Variants in GPR161 observed in about 807,000 individuals in gnomAD.
The protein encoded by GPR161 is G-protein coupled receptor RE2.
A neutral mutation model predicts 39.2 loss-of-function variants in GPR161; 25 were observed. The observed-to-expected ratio is 0.64, with a 90% CI of 0.47 to 0.89. The LOEUF is 0.89. GPR161 is among the 40% of genes least tolerant of loss of function. The probability of loss-of-function intolerance (pLI) is 0.00; values close to 1 mark genes in which losing one functional copy is unlikely to be tolerated. For synonymous variants in GPR161, 286 were observed against 276.6 expected, an observed-to-expected ratio of 1.03 and a Z score of -0.34; for missense variants, 547 against 677.8, an observed-to-expected ratio of 0.81 and a Z score of 2.14.
At chr1:168,100,397 T>C (rs1695984547) in intron 2 of GPR161, among the ~76,000 whole-genome samples, 1 of 152,114 alleles carries the variant, frequency 6.6e-6, no homozygotes, top group African/African-American at 2.4e-5. Context: ...GGGCTAATAA[T>C]ACAGGCCAAA....
At chr1:168,107,934 A>C (rs1239048906) in intron 1 of GPR161, among the ~76,000 whole-genome samples, 1 of 152,230 alleles carries the variant, frequency 6.6e-6, no homozygotes, top group African/African-American at 2.4e-5. Flanking sequence ...CAAAGGTAAA[A>C]ATACTAAGTG....
upstream of GPR161, chr1:168,136,948 G>GGGCCCCCCCCC: frequency 1.1e-6 from 1 of 910,994 alleles, no homozygotes; most frequent in African/African-American, 2.3e-5. Flanking sequence ...CGGCGCCCGC[G>GGGCCCCCCCCC]CCCCGCCCCG....
chr1:168,136,425 G>A lies in GPR161; in HGVS notation c.-45+314C>T, dbSNP rs2102280156. Reference sequence around the variant, plus strand: ...GCGGACTGTTTAGGGGCTTCGGGCGGCGCCGGAGAAACGGGGCGGGCTGCA... The same window carrying A: ...GCGGACTGTTTAGGGGCTTCGGGCGACGCCGGAGAAACGGGGCGGGCTGCA... On this transcript the variant is annotated intron_variant, in intron 1 of 5. Coordinates refer to ENST00000682931, the MANE Select transcript of GPR161 (RefSeq NM_001375883.1). 3.0e-6 allele frequency: 4 copies of A among 1,352,310 alleles called. No individual in the cohort carries two copies. In the South Asian group the frequency reaches 5.3e-5, roughly 18 times the overall value. The allele number at this position is 1,352,310 out of a possible 1,614,324, so 83.8% of individuals were successfully genotyped here. A position where few individuals can be genotyped will look rare whatever the true frequency, so the allele number is the denominator to read the frequency against.
chr1:168,128,230 T>C (rs1010631870), intron 1 of GPR161, among the ~76,000 whole-genome samples: 1 of 152,110 alleles, frequency 6.6e-6, no homozygotes, highest in African/African-American at 2.4e-5. Flanking sequence ...GGGGAGGGTC[T>C]GAAAATATCC....
chr1:168,096,051 T>G (rs765729424), intron 3 of GPR161, among the ~76,000 whole-genome samples: 16 of 145,974 alleles, frequency 1.1e-4, no homozygotes, highest in Non-Finnish European at 1.9e-4. Context: ...CGAGGATCAC[T>G]TGAATCAGGG....
chr1:168,097,142 C>G lies in GPR161; in HGVS notation c.465G>C (p.Ser155=). The G allele has an allele frequency of 6.2e-7, 1 of 1,614,066 alleles. No individual in the cohort carries two copies. The highest frequency in any genetic ancestry group is 1.3e-5 in the African/African-American group (1 of 74,988). Residue 155 remains serine (S), a synonymous_variant, in exon 3 of 6, where the codon TCG becomes TCC. Transcript: ENST00000682931. ...ACAGGGGTGGCAGGCAGCCGATGAG[C>G]GAGTGAAGCCAGATGTAGACAAGTG... is the stretch of plus-strand genomic sequence containing the variant. ...VMALVYIWLH[S]LIGCLPPLFG...
Position 168,085,440 on chromosome 1 carries a change from G to A in GPR161, c.*91C>T. The A allele has an allele frequency of 8.1e-7, 1 of 1,228,944 alleles. No individual in the cohort carries two copies. The highest frequency in any genetic ancestry group is 1.2e-6 in the Non-Finnish European group (1 of 862,350). The allele number at this position is 1,228,944 out of a possible 1,614,324, so 76.1% of individuals were successfully genotyped here. ...CTGTGTGTGGCCAGCTGTACACAGT[G>A]ACATGCTCCCAAGGCCGCGGCACAG... On this transcript the variant is annotated 3_prime_UTR_variant, in exon 6 of 6. Coordinates refer to ENST00000682931, the MANE Select transcript of GPR161 (RefSeq NM_001375883.1).
intron 1 of GPR161, 34 bp downstream of exon 1, chr1:168,136,705 G>A (rs1572408047): frequency 1.9e-6 from 2 of 1,057,866 alleles, no homozygotes; most frequent in Non-Finnish European, 2.3e-6. Flanking sequence ...CTCTCCGCCC[G>A]GGCCCGCGCC....
chr1:168,137,091 C>G, upstream of GPR161: 1 of 1,073,612 alleles, frequency 9.3e-7, no homozygotes. Context: ...GTCCGTCCGC[C>G]CGCCCTCCCG....
intron 3 of GPR161, among the ~76,000 whole-genome samples, chr1:168,094,682 T>C (rs1695360413): frequency 6.6e-6 from 1 of 152,200 alleles, no homozygotes; most frequent in Non-Finnish European, 1.5e-5. Flanking sequence ...TAGAGTGGTT[T>C]GAAGAGTTGC....
At chr1:168,130,165 C>T (rs1435887889) in intron 1 of GPR161, among the ~76,000 whole-genome samples, 1 of 152,234 alleles carries the variant, frequency 6.6e-6, no homozygotes, top group East Asian at 1.9e-4. Context: ...CCTTTCTCAT[C>T]TACAGAGGAA....
intron 1 of GPR161, among the ~76,000 whole-genome samples, chr1:168,113,985 A>G (rs1697425670): frequency 6.6e-6 from 1 of 152,222 alleles, no homozygotes; most frequent in African/African-American, 2.4e-5. Context: ...ACATTAAAAA[A>G]CAAAAATAAA....
intron 1 of GPR161, among the ~76,000 whole-genome samples, chr1:168,130,823 C>G (rs911939747): frequency 1.3e-5 from 2 of 152,146 alleles, no homozygotes; most frequent in African/African-American, 4.8e-5. Context: ...CTGCTGCTAC[C>G]ATCCCACTAT....
Position 168,084,715 on chromosome 1 carries a change from T to G in GPR161, c.*816A>C, listed in dbSNP as rs553331189. On this transcript the variant is annotated 3_prime_UTR_variant, in exon 6 of 6. Transcript: ENST00000682931. Reference sequence around the variant, plus strand: ...CAGTTTCTCTATTTCCTGGCTGTGCTTGGCACTACAGTCCCATTCAGTCCG... The same window carrying G: ...CAGTTTCTCTATTTCCTGGCTGTGCGTGGCACTACAGTCCCATTCAGTCCG... 3 of 399,638 alleles carry G rather than the reference T, an allele frequency of 7.5e-6. No individual in the cohort carries two copies. The East Asian group carries it at 2.1e-4, about 28-fold the overall frequency. 24.8% of individuals were successfully genotyped at this position (399,638 alleles called of 1,614,324 possible).
At chr1:168,122,168 TTCC>T (rs1698228255) in intron 1 of GPR161, among the ~76,000 whole-genome samples, 1 of 151,936 alleles carries the variant, frequency 6.6e-6, no homozygotes, top group Non-Finnish European at 1.5e-5. Flanking sequence ...TCTTCCTGTG[TTCC>T]TCCTCATTCC....
intron 1 of GPR161, among the ~76,000 whole-genome samples, chr1:168,112,885 G>C (rs1357762586): frequency 6.6e-6 from 1 of 152,170 alleles, no homozygotes; most frequent in Non-Finnish European, 1.5e-5. Context: ...CTGCGAATCA[G>C]AGAGCCCAGA....
chr1:168,136,922 A>G lies in GPR161; in HGVS notation c.-228T>C. 1 of 968,724 alleles carries G rather than the reference A, an allele frequency of 1.0e-6. No individual in the cohort carries two copies. The highest frequency in any genetic ancestry group is 1.2e-6 in the Non-Finnish European group (1 of 824,660). 60.0% of individuals were successfully genotyped at this position (968,724 alleles called of 1,614,324 possible). On this transcript the variant is annotated 5_prime_UTR_variant, in exon 1 of 6. Coordinates refer to ENST00000682931, the MANE Select transcript of GPR161 (RefSeq NM_001375883.1). ...CCAGCACGCGGACCCGGGCGGGCGC[A>G]GGCCAAGTAACTTTGCGGCGCCCGC...
At chr1:168,101,703 C>T (rs561282461) in intron 2 of GPR161, among the ~76,000 whole-genome samples, 9 of 152,338 alleles carry the variant, frequency 5.9e-5, no homozygotes, top group South Asian at 2.1e-4. Flanking sequence ...TGTTGATAAA[C>T]GGCATACATA....
intron 1 of GPR161, among the ~76,000 whole-genome samples, chr1:168,108,647 T>G (rs1208405310): frequency 1.3e-5 from 2 of 151,934 alleles, no homozygotes; most frequent in African/African-American, 4.8e-5. Context: ...TCTCTATTTC[T>G]TTATAGTTTT....
Sources: gnomAD v4.1 joint callset for allele counts (sites outside exome capture counted in the v4.1 genomes callset) on GRCh38, gnomAD v4.1.1 for gene constraint, MANE v1.5 for transcripts, NCBI Gene and HGNC (gene_info 2026-07-23, HGNC 2026-07-21) for gene names.